Variants in TYW1B observed in about 807,000 individuals in gnomAD.
TYW1B encodes tRNA-yW synthesizing protein 1 homolog B.
TYW1B carries 73 observed loss-of-function variants against 86.9 expected under a neutral mutation model. The observed-to-expected ratio is 0.84, with a 90% confidence interval of 0.70 to 1.02. The LOEUF is 1.02. TYW1B is among the 50% of genes least tolerant of loss of function. The pLI is 0.00. For synonymous variants in TYW1B, 248 were observed against 292.8 expected, an observed-to-expected ratio of 0.85 and a Z score of 1.56; for missense variants, 637 against 827.4, an observed-to-expected ratio of 0.77 and a Z score of 2.82.
At chr7:72,686,976 T>C (rs1394045296) in intron 11 of TYW1B, among the ~76,000 whole-genome samples, 1 of 152,216 alleles carries the variant, frequency 6.6e-6, no homozygotes, top group African/African-American at 2.4e-5. Context: ...AATAACAACA[T>C]TTCTGAAAGA....
intron 13 of TYW1B, among the ~76,000 whole-genome samples, chr7:72,601,420 T>C (rs1419705088): frequency 6.6e-6 from 1 of 151,794 alleles, no homozygotes; most frequent in African/African-American, 2.4e-5. Flanking sequence ...CATTCATCAA[T>C]GGTGGGAATG....
At chr7:72,711,852 G>T (rs868935260) in intron 10 of TYW1B, among the ~76,000 whole-genome samples, 1 of 56,856 alleles carries the variant, frequency 1.8e-5, no homozygotes, top group Non-Finnish European at 4.4e-5. Flanking sequence ...AATTCAAAAA[G>T]ATCTTTTTTT....
intron 13 of TYW1B, among the ~76,000 whole-genome samples, chr7:72,580,080 A>G (rs1554429390): frequency 1.3e-5 from 2 of 151,966 alleles, no homozygotes. Flanking sequence ...TAGGACCTCA[A>G]CCTATGAACT....
intron 2 of TYW1B, among the ~76,000 whole-genome samples, chr7:72,818,885 G>A (rs10249904): frequency 1.3e-5 from 2 of 152,098 alleles, no homozygotes; most frequent in Admixed American, 6.6e-5. Flanking sequence ...CCACTCATGC[G>A]AAATCTGCCC....
At chr7:72,776,978 A>G (rs1344562487) in intron 7 of TYW1B, among the ~76,000 whole-genome samples, 1 of 152,106 alleles carries the variant, frequency 6.6e-6, no homozygotes, top group African/African-American at 2.4e-5. Flanking sequence ...AGGTCGGTCT[A>G]CTGATTCCCA....
intron 13 of TYW1B, among the ~76,000 whole-genome samples, chr7:72,600,894 C>T (rs139226485): frequency 9.9e-5 from 15 of 151,890 alleles, no homozygotes; most frequent in African/African-American, 3.6e-4. Flanking sequence ...TGGTGGCTCA[C>T]AACTGTAATC....
At chr7:72,779,657 C>T (rs1255395755) in intron 6 of TYW1B, among the ~76,000 whole-genome samples, 2 of 136,118 alleles carry the variant, frequency 1.5e-5, no homozygotes, top group East Asian at 2.2e-4. Flanking sequence ...GCGGAGGTTA[C>T]GGTGAGCCAA....
rs191633714 is a variant in TYW1B at position 72,719,343 on chromosome 7, G to C, written c.1193-5545C>G. Among the ~76,000 whole-genome samples the C allele has an allele frequency of 7.2e-3, 1,091 of 151,866 alleles. 17 individuals are homozygous for C. Among genetic ancestry groups the C allele is most frequent in the African/African-American group, 0.026 (1,063 of 41,424 alleles). The stretch of plus-strand genomic sequence containing the variant: ...TTTTTAAATTTTTGGTAAAGACGAA[G>C]TTTTGGGCCGGGCGTGGTGGCTCAC... On this transcript the variant is annotated intron_variant, in intron 9 of 13. Transcript: ENST00000620995.
chr7:72,632,222 G>A (rs373921028), intron 11 of TYW1B, among the ~76,000 whole-genome samples: 3 of 140,558 alleles, frequency 2.1e-5, no homozygotes, highest in East Asian at 2.1e-4. Context: ...TCGTACCAAC[G>A]CACTCCAGCC....
At chr7:72,769,718 C>G (rs58024711) in intron 7 of TYW1B, among the ~76,000 whole-genome samples, 119,357 of 152,190 alleles carry the variant, frequency 0.78, 47,046 homozygotes, top group Non-Finnish European at 0.8. Flanking sequence ...TCAAACAACT[C>G]AGTCTGAACA....
intron 6 of TYW1B, among the ~76,000 whole-genome samples, chr7:72,796,764 A>C (rs1788312320): frequency 6.6e-6 from 1 of 150,546 alleles, no homozygotes; most frequent in African/African-American, 2.4e-5. Context: ...TATCATAAGG[A>C]ATGCTATTCA....
At chr7:72,713,541 A>T in intron 10 of TYW1B, 80 bp downstream of exon 10, 1 of 1,349,854 alleles carries the variant, frequency 7.4e-7, no homozygotes, top group Non-Finnish European at 1.0e-6. Flanking sequence ...ATCCTATTTG[A>T]TTGCATTAAT....
chr7:72,596,797 GGCAT>G (rs1554432692), intron 13 of TYW1B, among the ~76,000 whole-genome samples: 45 of 151,976 alleles, frequency 3.0e-4, no homozygotes. Flanking sequence ...AATTTTAAAA[GGCAT>G]GCATCAAAAG....
chr7:72,760,647 C>A (rs1429726233), intron 7 of TYW1B, among the ~76,000 whole-genome samples: 1 of 152,108 alleles, frequency 6.6e-6, no homozygotes, highest in Admixed American at 6.6e-5. Context: ...AACCCAAATG[C>A]CTTTCAGTTC....
chr7:72,644,324 C>T (rs573559022), intron 11 of TYW1B, among the ~76,000 whole-genome samples: 8 of 152,102 alleles, frequency 5.3e-5, no homozygotes, highest in Non-Finnish European at 1.0e-4. Context: ...TTGACGTGGG[C>T]GGATCACAAG....
chr7:72,634,686 G>C (rs1812626560), intron 11 of TYW1B, among the ~76,000 whole-genome samples: 1 of 152,036 alleles, frequency 6.6e-6, no homozygotes, highest in Non-Finnish European at 1.5e-5. Flanking sequence ...ACTTAGTGTT[G>C]CTAGTTTTCA....
At chr7:72,698,514 C>T (rs1814378454) in intron 10 of TYW1B, among the ~76,000 whole-genome samples, 1 of 151,734 alleles carries the variant, frequency 6.6e-6, no homozygotes, top group African/African-American at 2.4e-5. Flanking sequence ...GGCATGGTGG[C>T]GCATGCCTGT....
At chr7:72,667,023 C>A (rs1813479237) in intron 11 of TYW1B, among the ~76,000 whole-genome samples, 1 of 9,318 alleles carries the variant, frequency 1.1e-4, no homozygotes. Flanking sequence ...GAGAGCGAGA[C>A]TCCGTCTCAA....
intron 13 of TYW1B, among the ~76,000 whole-genome samples, chr7:72,597,021 A>C (rs1337704912): frequency 6.6e-6 from 1 of 152,086 alleles, no homozygotes; most frequent in African/African-American, 2.4e-5. Context: ...TATTAGGCAA[A>C]TATAAGTCAA....
Sources: gnomAD v4.1 joint callset for allele counts (sites outside exome capture counted in the v4.1 genomes callset) on GRCh38, gnomAD v4.1.1 for gene constraint, MANE v1.5 for transcripts, NCBI Gene and HGNC (gene_info 2026-07-23, HGNC 2026-07-21) for gene names.